The following PDCD10 variants were observed in gnomAD, a reference collection of about 807,000 sequenced individuals.
The protein encoded by PDCD10 is programmed cell death protein 10.
In PDCD10, 4 loss-of-function variants were observed where a neutral mutation model predicts 29.2. That is an observed-to-expected ratio of 0.14 (90% CI 0.07 to 0.31). PDCD10 has a LOEUF of 0.31. Ranked by LOEUF, PDCD10 falls within the 10% of genes least tolerant of loss-of-function variation. The pLI is 1.00. For synonymous variants in PDCD10, 70 were observed against 82.2 expected (o/e 0.85, Z 0.80); for missense variants, 183 against 257.9 (o/e 0.71, Z 1.99).
chr3:167,687,485 T>A (rs1719745239), intron 7 of PDCD10, 130 bp downstream of exon 7: 1 of 745,922 alleles, frequency 1.3e-6, no homozygotes, highest in African/African-American at 1.8e-5. Flanking sequence ...ATATTTAAAT[T>A]CAAGAATAAA....
intron 6 of PDCD10, among the ~76,000 whole-genome samples, chr3:167,694,872 A>G (rs1292524056): frequency 1.3e-5 from 2 of 152,230 alleles, no homozygotes; most frequent in Non-Finnish European, 2.9e-5. Flanking sequence ...AGCAATATCT[A>G]CCTATGGTTT....
chr3:167,685,396 C>CAAAAAA (rs1184281849), intron 8 of PDCD10, among the ~76,000 whole-genome samples: 8 of 55,884 alleles, frequency 1.4e-4, no homozygotes, highest in Admixed American at 2.1e-4. Flanking sequence ...ACTCTGTCTC[C>CAAAAAA]AAAAAAAAAA....
intron 1 of PDCD10, 130 bp from the exon 2 acceptor site, chr3:167,734,480 T>G (rs916578662): frequency 1.3e-5 from 2 of 152,618 alleles, no homozygotes; most frequent in Admixed American, 6.5e-5. Flanking sequence ...AAGCCACACC[T>G]TCAAAGGACC....
At chr3:167,734,193 A>T (rs532711167) in intron 2 of PDCD10, 21 bp downstream of exon 2, 1 of 152,348 alleles carries the variant, frequency 6.6e-6, no homozygotes, top group South Asian at 2.1e-4. Context: ...CTCTGAAAGC[A>T]GTAAAGGAGT....
chr3:167,720,024 T>C (rs373949497), intron 3 of PDCD10, 38 bp downstream of exon 3: 6 of 1,176,706 alleles, frequency 5.1e-6, no homozygotes, highest in East Asian at 2.3e-5. Flanking sequence ...AATTAAAGAA[T>C]TGCAGAGTTC....
intron 2 of PDCD10, among the ~76,000 whole-genome samples, chr3:167,725,035 TCAC>T (rs1723952331): frequency 1.3e-5 from 2 of 152,088 alleles, no homozygotes; most frequent in African/African-American, 2.4e-5. Context: ...GGCAGGTGGA[TCAC>T]TTGAGGTCAG....
chr3:167,697,835 A>G, intron 4 of PDCD10: 1 of 434,334 alleles, frequency 2.3e-6, no homozygotes, highest in Non-Finnish European at 4.6e-6. Flanking sequence ...GACTGGGCAT[A>G]GAGTTCTGAG....
chr3:167,726,797 T>A (rs1162392072), intron 2 of PDCD10, among the ~76,000 whole-genome samples: 1 of 151,686 alleles, frequency 6.6e-6, no homozygotes, highest in African/African-American at 2.4e-5. Flanking sequence ...TTTGCATGAC[T>A]GAGAGAGTTA....
chr3:167,690,465 C>G (rs1039092745), intron 6 of PDCD10, among the ~76,000 whole-genome samples: 2 of 152,152 alleles, frequency 1.3e-5, no homozygotes, highest in African/African-American at 4.8e-5. Flanking sequence ...TAAGAATATG[C>G]AAATGCAGAT....
intron 4 of PDCD10, among the ~76,000 whole-genome samples, chr3:167,704,159 T>C (rs1439577556): frequency 6.6e-6 from 1 of 152,228 alleles, no homozygotes; most frequent in Non-Finnish European, 1.5e-5. Flanking sequence ...AAACGTTTTT[T>C]AGACTCATGT....
At position 167,725,763 on chromosome 3, in the gene PDCD10, T is replaced by TTATATA. The variant is rs67647566; in HGVS notation, c.-116-5496_-116-5491dup. 6.8e-3 allele frequency among the ~76,000 whole-genome samples: 523 copies of TTATATA among 77,074 alleles called. 38 individuals are homozygous for TTATATA. Among genetic ancestry groups the TTATATA allele is most frequent in the Non-Finnish European group, 0.01 (379 of 37,238 alleles). The allele number at this position is 77,074 out of a possible 152,430, so 50.6% of individuals were successfully genotyped here. ...ATATAGCACTTTACCATTGTATCGTTTATATATATATATATATATATATAT... is the reference window on the plus strand; with the variant it reads ...ATATAGCACTTTACCATTGTATCGTTTATATATATATATATATATATATATATATAT... On this transcript the variant is annotated intron_variant, in intron 2 of 8. Coordinates refer to ENST00000392750, the MANE Select transcript of PDCD10 (RefSeq NM_007217.4).
intron 3 of PDCD10, among the ~76,000 whole-genome samples, chr3:167,712,040 T>C (rs898828203): frequency 6.6e-6 from 1 of 152,082 alleles, no homozygotes. Flanking sequence ...GAAAAGGACA[T>C]TCAGGAGCAA....
At position 167,731,660 on chromosome 3, in the gene PDCD10, T is replaced by C. The variant is rs75216075; in HGVS notation, c.-117+2554A>G. Reference sequence around the variant, plus strand: ...AATGTGCCAGGTACTGCGTAAGTAGTGGGGTAAAACATGACAAATGAGAGG... The same window carrying C: ...AATGTGCCAGGTACTGCGTAAGTAGCGGGGTAAAACATGACAAATGAGAGG... On this transcript the variant is annotated intron_variant, in intron 2 of 8. Transcript: ENST00000392750. Among the ~76,000 whole-genome samples the C allele has an allele frequency of 9.4e-3, 1,430 of 152,216 alleles. 31 individuals carry two copies. In the East Asian group the frequency reaches 0.097, roughly 10 times the overall value.
At chr3:167,705,158 C>T (rs1721853758) in intron 3 of PDCD10, among the ~76,000 whole-genome samples, 1 of 151,990 alleles carries the variant, frequency 6.6e-6, no homozygotes, top group Non-Finnish European at 1.5e-5. Context: ...TTTATAATTT[C>T]AAAAGATTAA....
rs116199446 is a variant in PDCD10 at position 167,706,205 on chromosome 3, C to T, written c.97-1310G>A. Among the ~76,000 whole-genome samples, 296 of 152,270 alleles carry T rather than the reference C, an allele frequency of 1.9e-3. 2 individuals carry two copies. Among genetic ancestry groups the T allele is most frequent in the African/African-American group, 6.8e-3 (282 of 41,558 alleles). Reference sequence around the variant, plus strand: ...TAGATTTCTAGACTCATTTTAATTACGTGAACCTTACAAAAAGAATAAGTC... The same window carrying T: ...TAGATTTCTAGACTCATTTTAATTATGTGAACCTTACAAAAAGAATAAGTC... On this transcript the variant is annotated intron_variant, in intron 3 of 8. Coordinates refer to ENST00000392750, the MANE Select transcript of PDCD10 (RefSeq NM_007217.4).
intron 8 of PDCD10, among the ~76,000 whole-genome samples, chr3:167,685,418 A>AAAAAAAAAT (rs1577315131): frequency 6.6e-6 from 1 of 151,228 alleles, no homozygotes; most frequent in East Asian, 1.9e-4. Flanking sequence ...AAAAAAAAAA[A>AAAAAAAAAT]AAGAGAAGGG....
intron 4 of PDCD10, 72 bp downstream of exon 4, chr3:167,704,770 C>T: frequency 1.9e-6 from 2 of 1,040,332 alleles, no homozygotes; most frequent in Non-Finnish European, 3.0e-6. Context: ...AATAAACTGG[C>T]AACCATCACA....
chr3:167,733,432 T>A lies in PDCD10; in HGVS notation c.-117+782A>T, dbSNP rs538980788. Among the ~76,000 whole-genome samples the A allele has an allele frequency of 7.8e-4, 119 of 152,336 alleles. 1 individual carries two copies. The highest frequency in any genetic ancestry group is 2.7e-3 in the African/African-American group (112 of 41,580). On this transcript the variant is annotated intron_variant, in intron 2 of 8. Transcript: ENST00000392750. Reference sequence around the variant, plus strand: ...GATATGAACTATACGTGTACTGTTTTTTCATTCTTCAATGTAAAGTAAGAA... The same window carrying A: ...GATATGAACTATACGTGTACTGTTTATTCATTCTTCAATGTAAAGTAAGAA...
intron 3 of PDCD10, among the ~76,000 whole-genome samples, chr3:167,716,377 TA>T (rs1227007560): frequency 2.0e-5 from 3 of 151,928 alleles, no homozygotes; most frequent in Non-Finnish European, 2.9e-5. Context: ...TAGTCAACAC[TA>T]AATTATACAT....
Sources: gnomAD v4.1 joint callset for allele counts (sites outside exome capture counted in the v4.1 genomes callset) on GRCh38, gnomAD v4.1.1 for gene constraint, MANE v1.5 for transcripts, NCBI Gene and HGNC (gene_info 2026-07-23, HGNC 2026-07-21) for gene names.